Variants in DPYSL5 observed in about 807,000 individuals in gnomAD.
DPYSL5 encodes dihydropyrimidinase like 5, also known as dihydropyrimidinase-related protein 5.
A neutral mutation model predicts 58.4 loss-of-function variants in DPYSL5; 9 were observed. The ratio of observed to expected loss-of-function variants is 0.15; its 90% confidence interval spans 0.09 to 0.27. The LOEUF is 0.27. Ranked by LOEUF, DPYSL5 falls within the 10% of genes least tolerant of loss-of-function variation. The pLI, the probability that DPYSL5 is intolerant of heterozygous loss-of-function variation, is 1.00. For missense variants in DPYSL5, 499 were observed against 770.6 expected, an observed-to-expected ratio of 0.65 and a Z score of 4.17; for synonymous variants, 293 against 301.9, an observed-to-expected ratio of 0.97 and a Z score of 0.31.
intron 2 of DPYSL5, among the ~76,000 whole-genome samples, chr2:26,912,726 C>T (rs1242126319): frequency 6.6e-6 from 1 of 152,186 alleles, no homozygotes; most frequent in Non-Finnish European, 1.5e-5. Flanking sequence ...ATTGGATGCT[C>T]GGCAGTGAAG....
intron 2 of DPYSL5, among the ~76,000 whole-genome samples, chr2:26,901,937 G>A (rs558484368): frequency 2.2e-4 from 34 of 151,932 alleles, no homozygotes; most frequent in Admixed American, 1.9e-3. Flanking sequence ...CCCACGCCTC[G>A]CTGGCCCCAG....
Position 26,942,288 on chromosome 2 carries a change from C to G in DPYSL5, c.1232+196C>G, listed in dbSNP as rs1012759445. 6.6e-6 allele frequency among the ~76,000 whole-genome samples: 1 copy of G among 152,194 alleles called. No individual in the cohort carries two copies. Among genetic ancestry groups the G allele is most frequent in the Admixed American group, 6.5e-5 (1 of 15,282 alleles). On this transcript the variant is annotated intron_variant, in intron 10 of 12. Coordinates refer to ENST00000288699, the MANE Select transcript of DPYSL5 (RefSeq NM_020134.4). The surrounding 1 kb of genome is among the most constrained non-coding windows in gnomAD (Gnocchi z 5.9). ...TCACACATGTCTGGTGTGTCTGTCT[C>G]CTCTTCTTATAAGGACACCGATAAG...
At chr2:26,884,520 T>TCACACACACA (rs3070961) in intron 1 of DPYSL5, among the ~76,000 whole-genome samples, 6 of 145,528 alleles carry the variant, frequency 4.1e-5, no homozygotes, top group African/African-American at 7.6e-5. Flanking sequence ...TTGTCCTATC[T>TCACACACACA]CACACACACA....
chr2:26,872,220 T>G (rs1327050157), intron 1 of DPYSL5, among the ~76,000 whole-genome samples: 1 of 151,940 alleles, frequency 6.6e-6, no homozygotes, highest in African/African-American at 2.4e-5. Context: ...ATGGCTGGAG[T>G]TGCGGGTGCC....
At chr2:26,929,580 C>T (rs1219127408) in intron 5 of DPYSL5, among the ~76,000 whole-genome samples, 1 of 152,234 alleles carries the variant, frequency 6.6e-6, no homozygotes, top group Non-Finnish European at 1.5e-5. Context: ...CATTTCCCAC[C>T]ACCACTGCCC....
chr2:26,898,720 T>G lies in DPYSL5; in HGVS notation c.221T>G (p.Met74Arg), dbSNP rs1369694357. Residue 74 changes from methionine to arginine, a missense_variant, in exon 2 of 13, where the codon ATG becomes AGG. Transcript: ENST00000288699. The surrounding 1 kb of genome is among the most constrained non-coding windows in gnomAD (Gnocchi z 6.1). ...DTSTHFHQTF[M>R]NATCVDDFYH... ...AGCACCCACTTCCACCAGACCTTCATGAATGCCACGTGCGTGGACGACTTC... is the reference window on the plus strand; with the variant it reads ...AGCACCCACTTCCACCAGACCTTCAGGAATGCCACGTGCGTGGACGACTTC... 3 of 1,613,698 alleles carry G rather than the reference T, an allele frequency of 1.9e-6. No homozygotes were observed. The highest frequency in any genetic ancestry group is 1.1e-5 in the South Asian group (1 of 91,076).
rs1007781009 is a variant in DPYSL5, at chr2:26,933,025, C to T, written c.715-233C>T. On this transcript the variant is annotated intron_variant, in intron 6 of 12. Transcript: ENST00000288699. This position sits in a 1 kb window ranked among gnomAD's most constrained non-coding sequence, Gnocchi z 4.2. ...CTTGAACTTCACAGGCTGGGCTTCC[C>T]GGTGGGCTCTGGTGCTGGAGGCTGT... Among the ~76,000 whole-genome samples, 4 of 152,168 alleles carry T rather than the reference C, an allele frequency of 2.6e-5. No individual in the cohort carries two copies. Among genetic ancestry groups the T allele is most frequent in the Non-Finnish European group, 4.4e-5 (3 of 68,038 alleles).
intron 2 of DPYSL5, among the ~76,000 whole-genome samples, chr2:26,906,567 C>T (rs762678699): frequency 1.2e-4 from 18 of 152,108 alleles, no homozygotes; most frequent in South Asian, 4.1e-4. Context: ...ATCATGGGTA[C>T]GTTTTCCCAT....
intron 1 of DPYSL5, among the ~76,000 whole-genome samples, chr2:26,874,628 A>C (rs1663364887): frequency 6.6e-6 from 1 of 152,224 alleles, no homozygotes; most frequent in South Asian, 2.1e-4. Flanking sequence ...GCTTTACAGT[A>C]TGTCTTGAAA....
At chr2:26,941,567 A>G (rs1032435900) in intron 9 of DPYSL5, among the ~76,000 whole-genome samples, 1 of 152,230 alleles carries the variant, frequency 6.6e-6, no homozygotes, top group Non-Finnish European at 1.5e-5. Flanking sequence ...GGGTGGGGCA[A>G]TAAGATGTTT....
chr2:26,929,047 G>A (rs891074535), intron 5 of DPYSL5, among the ~76,000 whole-genome samples: 2 of 151,958 alleles, frequency 1.3e-5, no homozygotes, highest in African/African-American at 2.4e-5. Flanking sequence ...CAGAGCAGGA[G>A]GTGAGCAGCG....
chr2:26,942,493 A>G lies in DPYSL5; in HGVS notation c.1233-50A>G, dbSNP rs756506687. 4.5e-6 allele frequency: 7 copies of G among 1,570,032 alleles called. No homozygotes were observed. Among genetic ancestry groups the G allele is most frequent in the Non-Finnish European group, 1.7e-6 (2 of 1,153,800 alleles). On this transcript the variant is annotated intron_variant, in intron 10 of 12. Coordinates refer to ENST00000288699, the MANE Select transcript of DPYSL5 (RefSeq NM_020134.4). This position sits in a 1 kb window ranked among gnomAD's most constrained non-coding sequence, Gnocchi z 5.9. Reference sequence around the variant, plus strand: ...CTCACCCCTCCCATGGAGCTGTGACATTTTGACCTGTCCTCAGCGCTTTCT... The same window carrying G: ...CTCACCCCTCCCATGGAGCTGTGACGTTTTGACCTGTCCTCAGCGCTTTCT...
chr2:26,861,033 G>A (rs1461111125), intron 1 of DPYSL5, among the ~76,000 whole-genome samples: 1 of 152,146 alleles, frequency 6.6e-6, no homozygotes, highest in Admixed American at 6.5e-5. Flanking sequence ...CCCTGTCAGA[G>A]ACTCAACAAG....
chr2:26,918,290 A>G (rs1664624150), intron 2 of DPYSL5, among the ~76,000 whole-genome samples: 1 of 152,158 alleles, frequency 6.6e-6, no homozygotes, highest in South Asian at 2.1e-4. Flanking sequence ...CGTGCCAGGC[A>G]TGGTTCCAGG....
At chr2:26,915,876 C>T (rs1664550799) in intron 2 of DPYSL5, among the ~76,000 whole-genome samples, 2 of 152,092 alleles carry the variant, frequency 1.3e-5, no homozygotes, top group Admixed American at 6.6e-5. Flanking sequence ...GAAGAAGGTC[C>T]CTCCAGCCTA....
intron 1 of DPYSL5, among the ~76,000 whole-genome samples, chr2:26,855,854 C>T (rs755335385): frequency 3.9e-5 from 6 of 152,172 alleles, no homozygotes; most frequent in African/African-American, 9.7e-5. Flanking sequence ...TTTTTTACTT[C>T]GGATTTCTGA....
At position 26,925,332 on chromosome 2, in the gene DPYSL5, G is replaced by A. The variant is rs912071447; in HGVS notation, c.420+287G>A. 5.3e-5 allele frequency among the ~76,000 whole-genome samples: 8 copies of A among 152,236 alleles called. No homozygotes were observed. Among genetic ancestry groups the A allele is most frequent in the East Asian group, 1.9e-4 (1 of 5,170 alleles). ...CTGACCATGAGGCTCTTACCGTCTC[G>A]TGTGAATGTAGGGCACCACTGACAG... On this transcript the variant is annotated intron_variant, in intron 3 of 12. Coordinates refer to ENST00000288699, the MANE Select transcript of DPYSL5 (RefSeq NM_020134.4). The surrounding 1 kb of genome is among the most constrained non-coding windows in gnomAD (Gnocchi z 4.5).
In DPYSL5 at chr2:26,918,135, CAAAAAAAAAAAAA is replaced by C. The variant is rs71401540; in HGVS notation, c.262-6737_262-6725del. Among the ~76,000 whole-genome samples, 443 of 54,142 alleles carry C rather than the reference CAAAAAAAAAAAAA, an allele frequency of 8.2e-3. 5 individuals are homozygous for C. The highest frequency in any genetic ancestry group is 0.049 in the South Asian group (38 of 782). 35.5% of individuals were successfully genotyped at this position (54,142 alleles called of 152,430 possible). On this transcript the variant is annotated intron_variant, in intron 2 of 12. Coordinates refer to ENST00000288699, the MANE Select transcript of DPYSL5 (RefSeq NM_020134.4). Reference sequence around the variant, plus strand: ...TGGGTGACAGAGCAAGAGTCTGTCTCAAAAAAAAAAAAAAAAAAAAAAAAAAAGCAAGTGCAGA... The same window carrying C: ...TGGGTGACAGAGCAAGAGTCTGTCTCAAAAAAAAAAAAAAGCAAGTGCAGA...
intron 1 of DPYSL5, among the ~76,000 whole-genome samples, chr2:26,878,735 A>C (rs879304719): frequency 5.8e-4 from 89 of 152,192 alleles, no homozygotes; most frequent in Admixed American, 1.1e-3. Flanking sequence ...GCCATGTCCC[A>C]CCAGGCCTTG....
Sources: allele counts gnomAD v4.1 joint callset (sites outside exome capture counted in the v4.1 genomes callset), GRCh38; gene constraint gnomAD v4.1.1; non-coding constraint Gnocchi (gnomAD v3.1); transcripts MANE v1.5; gene names NCBI Gene and HGNC (gene_info 2026-07-23, HGNC 2026-07-21).